The following MMS22L variants were observed in gnomAD, a reference collection of about 807,000 sequenced individuals.
MMS22L encodes protein MMS22-like.
In MMS22L, 74 loss-of-function variants were observed where a neutral mutation model predicts 159.1. That is an observed-to-expected ratio of 0.47 (90% CI 0.39 to 0.56). The LOEUF (loss-of-function observed/expected upper bound fraction) is 0.56. Among genes scored for constraint, MMS22L ranks in the 20% least tolerant of loss-of-function variants. MMS22L has a pLI of 0.00. For missense variants in MMS22L, 1,351 were observed against 1,422.1 expected (o/e 0.95, Z 0.80); for synonymous variants, 517 against 506.9 (o/e 1.02, Z -0.27).
In MMS22L at chr6:97,280,835, T is replaced by C. The variant is rs935399579; in HGVS notation, c.290+402A>G. 6.6e-5 allele frequency among the ~76,000 whole-genome samples: 10 copies of C among 152,174 alleles called. 1 individual carries two copies. The highest frequency in any genetic ancestry group is 2.2e-4 in the African/African-American group (9 of 41,452). On this transcript the variant is annotated intron_variant, in intron 3 of 24. Transcript: ENST00000683635. ...ATTATTTTGTGTATGCTTAAAATTT[T>C]TCATTAAAAAAATTTTAAATGTTGT...
At chr6:97,279,116 A>G (rs1159278245) in intron 3 of MMS22L, among the ~76,000 whole-genome samples, 1 of 152,252 alleles carries the variant, frequency 6.6e-6, no homozygotes, top group Non-Finnish European at 1.5e-5. Context: ...AAAATTATCT[A>G]TTAAAGACTG....
intron 1 of MMS22L, 47 bp from the exon 2 acceptor site, chr6:97,282,600 G>T (rs987414712): frequency 3.8e-6 from 2 of 532,372 alleles, no homozygotes; most frequent in East Asian, 3.3e-5. Flanking sequence ...GATTACTTCA[G>T]AAAGTTCTCA....
chr6:97,189,707 C>A (rs1176921196), intron 14 of MMS22L, among the ~76,000 whole-genome samples: 1 of 151,656 alleles, frequency 6.6e-6, no homozygotes, highest in Non-Finnish European at 1.5e-5. Context: ...TGACCCCAAA[C>A]CACACTTGTG....
At chr6:97,161,420 T>C (rs973543007) in intron 22 of MMS22L, among the ~76,000 whole-genome samples, 1 of 152,054 alleles carries the variant, frequency 6.6e-6, no homozygotes, top group Non-Finnish European at 1.5e-5. Flanking sequence ...TCAGGCTCCT[T>C]TGAGGTCAGT....
At chr6:97,201,965 T>C (rs1321881031) in intron 14 of MMS22L, among the ~76,000 whole-genome samples, 1 of 152,200 alleles carries the variant, frequency 6.6e-6, no homozygotes, top group Non-Finnish European at 1.5e-5. Flanking sequence ...AACAATACTT[T>C]TAGAAAGCCT....
At chr6:97,229,897 A>C (rs919982946) in intron 13 of MMS22L, among the ~76,000 whole-genome samples, 2 of 152,334 alleles carry the variant, frequency 1.3e-5, no homozygotes, top group Admixed American at 1.3e-4. Flanking sequence ...GCAAGGCGTT[A>C]GAAAAATTCT....
chr6:97,218,702 A>C (rs1809294799), intron 14 of MMS22L, among the ~76,000 whole-genome samples: 2 of 152,188 alleles, frequency 1.3e-5, no homozygotes, highest in African/African-American at 4.8e-5. Context: ...ACAGGAATAG[A>C]GATTATTCAA....
chr6:97,177,236 T>C (rs1804219791), intron 18 of MMS22L, among the ~76,000 whole-genome samples: 1 of 152,154 alleles, frequency 6.6e-6, no homozygotes, highest in African/African-American at 2.4e-5. Flanking sequence ...GCCTTCACAA[T>C]CTTCACAGGA....
At chr6:97,265,412 G>A (rs1397240768) in intron 8 of MMS22L, 1 of 152,084 alleles carries the variant, frequency 6.6e-6, no homozygotes, top group Non-Finnish European at 1.5e-5. Context: ...AGAAAACATA[G>A]GGGAAAAGCT....
chr6:97,186,914 A>T (rs1469841806), intron 14 of MMS22L, among the ~76,000 whole-genome samples: 1 of 152,190 alleles, frequency 6.6e-6, no homozygotes, highest in Non-Finnish European at 1.5e-5. Flanking sequence ...CATTAATTAT[A>T]TGCTTTTTAA....
intron 3 of MMS22L, among the ~76,000 whole-genome samples, chr6:97,279,700 C>T (rs1016154264): frequency 6.7e-6 from 1 of 150,012 alleles, no homozygotes; most frequent in African/African-American, 2.5e-5. Flanking sequence ...GGCAAAGAAG[C>T]GCTTAAACTC....
Position 97,264,382 on chromosome 6 carries a change from A to C in MMS22L, c.829-934T>G, listed in dbSNP as rs372527124. 2.6e-5 allele frequency: 4 copies of C among 152,294 alleles called. No homozygotes were observed. In the East Asian group the frequency reaches 7.7e-4, roughly 29 times the overall value. The allele number at this position is 152,294 out of a possible 1,614,324, so 9.4% of individuals were successfully genotyped here. A position where few individuals can be genotyped will look rare whatever the true frequency, so the allele number is the denominator to read the frequency against. The stretch of plus-strand genomic sequence containing the variant: ...ATTATCTACCTTTTTTTAATAAAAA[A>C]ATCCTCAGCAGCCCTAGATAATGCA... On this transcript the variant is annotated intron_variant, in intron 8 of 24. Coordinates refer to ENST00000683635, the MANE Select transcript of MMS22L (RefSeq NM_001350599.2).
At position 97,144,444 on chromosome 6, in the gene MMS22L, T is replaced by C. The variant is rs1800799715; in HGVS notation, c.*2362A>G. 1 of 152,248 alleles carries C rather than the reference T, an allele frequency of 6.6e-6. No individual in the cohort carries two copies. Among genetic ancestry groups the C allele is most frequent in the South Asian group, 2.1e-4 (1 of 4,830 alleles). The allele number at this position is 152,248 out of a possible 1,614,324, so 9.4% of individuals were successfully genotyped here. The stretch of plus-strand genomic sequence containing the variant: ...AGTGGACCTGCACAGTTCAAACTTG[T>C]GTTGCTCAAGGGTCAACTGTATATG... On this transcript the variant is annotated 3_prime_UTR_variant, in exon 25 of 25. Transcript: ENST00000683635.
chr6:97,277,285 C>T (rs929776594), intron 4 of MMS22L, among the ~76,000 whole-genome samples: 2 of 151,928 alleles, frequency 1.3e-5, no homozygotes, highest in Non-Finnish European at 2.9e-5. Flanking sequence ...TGGTGGTGTG[C>T]GCCTGTAATC....
rs1802866953 is a variant in MMS22L, at chr6:97,165,446, G to A, written c.3021C>T (p.Ile1007=). 3 of 1,612,136 alleles carry A rather than the reference G, an allele frequency of 1.9e-6. No homozygotes were observed. Among genetic ancestry groups the A allele is most frequent in the Non-Finnish European group, 2.5e-6 (3 of 1,179,178 alleles). Residue 1007 remains isoleucine, a synonymous_variant, in exon 21 of 25, where the codon ATC becomes ATT. Transcript: ENST00000683635. ...TCGGATTTTGAGATTGACAACACAC[G>A]ATACACATGCCCTACAAGGAAAAAA... The part of the protein sequence containing the change: ...SLPLYLQGMC[I]VCCQSQNPNA...
chr6:97,240,220 T>A (rs1408066317), intron 11 of MMS22L, among the ~76,000 whole-genome samples: 1 of 152,236 alleles, frequency 6.6e-6, no homozygotes, highest in East Asian at 1.9e-4. Context: ...ACTTATAGAA[T>A]ATAATTTGAT....
chr6:97,192,782 A>G (rs1356551192), intron 14 of MMS22L, among the ~76,000 whole-genome samples: 1 of 152,190 alleles, frequency 6.6e-6, no homozygotes, highest in East Asian at 1.9e-4. Context: ...GTTTAATGAT[A>G]ATATATGTAC....
At chr6:97,159,612 T>G (rs1802213228) in intron 22 of MMS22L, among the ~76,000 whole-genome samples, 1 of 152,000 alleles carries the variant, frequency 6.6e-6, no homozygotes, top group African/African-American at 2.4e-5. Flanking sequence ...AGGTCCAGCA[T>G]TCCAAAGATC....
intron 20 of MMS22L, among the ~76,000 whole-genome samples, chr6:97,166,184 C>T (rs1009463059): frequency 6.6e-6 from 1 of 152,172 alleles, no homozygotes; most frequent in African/African-American, 2.4e-5. Context: ...TAACAAAATA[C>T]TTTCATATAT....
Sources: gnomAD v4.1 joint callset for allele counts (sites outside exome capture counted in the v4.1 genomes callset) on GRCh38, gnomAD v4.1.1 for gene constraint, MANE v1.5 for transcripts, NCBI Gene and HGNC (gene_info 2026-07-23, HGNC 2026-07-21) for gene names.